CREBBP: variants seen among roughly 807,000 people sequenced by gnomAD.
The protein encoded by CREBBP is CREB-binding protein.
A neutral mutation model predicts 265.0 loss-of-function variants in CREBBP; 19 were observed. That is an observed-to-expected ratio of 0.07 (90% CI 0.05 to 0.11). The LOEUF (loss-of-function observed/expected upper bound fraction) is 0.11, where lower values mean the gene tolerates loss of function less well. Among genes scored for constraint, CREBBP ranks in the 10% least tolerant of loss-of-function variants. CREBBP has a pLI of 1.00. For missense variants in CREBBP, 2,525 were observed against 3,219.0 expected (o/e 0.78, Z 5.22); for synonymous variants, 1,457 against 1,223.7 (o/e 1.19, Z -3.98).
intron 1 of CREBBP, among the ~76,000 whole-genome samples, chr16:3,868,587 C>T (rs2141574650): frequency 6.6e-6 from 1 of 152,274 alleles, no homozygotes; most frequent in South Asian, 2.1e-4. Flanking sequence ...ACATTCAAGG[C>T]CCTTGGTGAT....
intron 2 of CREBBP, among the ~76,000 whole-genome samples, chr16:3,819,434 A>G (rs1055999912): frequency 1.3e-5 from 2 of 152,240 alleles, no homozygotes; most frequent in Non-Finnish European, 2.9e-5. Flanking sequence ...CAATCATTCT[A>G]CACTACATAT....
chr16:3,837,352 A>G (rs2054473959), intron 2 of CREBBP, among the ~76,000 whole-genome samples: 1 of 152,174 alleles, frequency 6.6e-6, no homozygotes. Flanking sequence ...GCGGTGGCTC[A>G]CACCTGTAAT....
intron 2 of CREBBP, among the ~76,000 whole-genome samples, chr16:3,824,306 C>T (rs957645570): frequency 2.0e-5 from 3 of 152,250 alleles, no homozygotes. Context: ...GGAAAAACAC[C>T]TCTGGGATGG....
chr16:3,778,228 A>C (rs750714464), intron 9 of CREBBP, 46 bp from the exon 10 acceptor site: 1 of 1,464,260 alleles, frequency 6.8e-7, no homozygotes, highest in Admixed American at 1.7e-5. Context: ...AACTGTAAAA[A>C]GCAACTGAAT....
At chr16:3,778,950 T>C (rs2053209648) in intron 8 of CREBBP, 133 bp from the exon 9 acceptor site, 2 of 693,164 alleles carry the variant, frequency 2.9e-6, no homozygotes, top group South Asian at 1.4e-5. Context: ...GAGAATCACC[T>C]GAGGTCAGCA....
intron 24 of CREBBP, among the ~76,000 whole-genome samples, chr16:3,740,063 C>A (rs1191069256): frequency 1.3e-5 from 2 of 152,174 alleles, no homozygotes; most frequent in African/African-American, 4.8e-5. Context: ...AACCTCTATG[C>A]GTTTTTTCTT....
Position 3,729,074 on chromosome 16 carries a change from C to T in CREBBP, c.5973G>A (p.Pro1991=), listed in dbSNP as rs539366777. Residue 1991 remains proline (P), a synonymous_variant, in exon 31 of 31, where the codon CCG becomes CCA. Transcript: ENST00000262367. ...MPPGRTGMGT[P]GSQMAPVSLN... is the part of the protein sequence containing the mutation. ...GGCTCACGGGGGCCATCTGGCTCCC[C>T]GGGGTCCCCATGCCCGTGCGTCCTG... The T allele has an allele frequency of 7.1e-5, 112 of 1,584,144 alleles. No homozygotes were observed. The highest frequency in any genetic ancestry group is 1.7e-4 in the Middle Eastern group (1 of 6,028).
At chr16:3,873,321 T>G (rs927965607) in intron 1 of CREBBP, among the ~76,000 whole-genome samples, 4 of 152,246 alleles carry the variant, frequency 2.6e-5, no homozygotes, top group African/African-American at 9.6e-5. Context: ...TAAGCTTTCA[T>G]GGCCATCACG....
At chr16:3,840,122 G>A (rs551809864) in intron 2 of CREBBP, among the ~76,000 whole-genome samples, 9 of 152,244 alleles carry the variant, frequency 5.9e-5, no homozygotes, top group African/African-American at 2.2e-4. Context: ...TTTTTGTTGT[G>A]ATCTTTTAAG....
intron 2 of CREBBP, among the ~76,000 whole-genome samples, chr16:3,839,211 G>C (rs181612107): frequency 5.3e-5 from 8 of 152,302 alleles, no homozygotes; most frequent in African/African-American, 1.9e-4. Context: ...TGTGAACTGA[G>C]TCAGCTTATT....
chr16:3,756,244 C>T (rs1175609541), intron 19 of CREBBP, among the ~76,000 whole-genome samples: 1 of 152,206 alleles, frequency 6.6e-6, no homozygotes, highest in African/African-American at 2.4e-5. Context: ...TCTATCTTGG[C>T]CACAGAGAAT....
rs748195458 is a variant in CREBBP at position 3,773,808 on chromosome 16, G to A, written c.2406C>T (p.Ser802=). 1.9e-6 allele frequency: 3 copies of A among 1,613,340 alleles called. No individual in the cohort carries two copies. The highest frequency in any genetic ancestry group is 2.2e-5 in the South Asian group (2 of 91,034). ...QFLPQNQFPS[S]SGAMSVGMGQ... Reference sequence around the variant, plus strand: ...CCATGCCCACACTCATCGCCCCGCTGGATGACGGGAACTGGTTCTGTGGCA... The same window carrying A: ...CCATGCCCACACTCATCGCCCCGCTAGATGACGGGAACTGGTTCTGTGGCA... The change falls in exon 13 of 31, where the codon TCC becomes TCT. Residue 802 remains serine (S), a synonymous_variant. Transcript: ENST00000262367.
intron 16 of CREBBP, among the ~76,000 whole-genome samples, chr16:3,765,159 G>C (rs556564523): frequency 1.8e-4 from 28 of 152,302 alleles, no homozygotes; most frequent in African/African-American, 6.5e-4. Context: ...ATTTTGTTTA[G>C]TAGAGACGGG....
intron 5 of CREBBP, among the ~76,000 whole-genome samples, chr16:3,783,546 T>G (rs1013553490): frequency 1.3e-5 from 2 of 152,264 alleles, no homozygotes; most frequent in African/African-American, 2.4e-5. Context: ...CAGAGCACCA[T>G]GCTGAGCTCT....
intron 2 of CREBBP, among the ~76,000 whole-genome samples, chr16:3,816,614 G>C (rs150328284): frequency 7.9e-5 from 12 of 152,280 alleles, no homozygotes; most frequent in African/African-American, 2.6e-4. Flanking sequence ...ACAAAGAGGA[G>C]GGAAAAGGCA....
At chr16:3,738,324 A>AG in intron 26 of CREBBP, among the ~76,000 whole-genome samples, 1 of 152,018 alleles carries the variant, frequency 6.6e-6, no homozygotes, top group Non-Finnish European at 1.5e-5. Flanking sequence ...TAAAAAAAAA[A>AG]AAAAAGGGAA....
intron 28 of CREBBP, among the ~76,000 whole-genome samples, 181 bp downstream of exon 28, chr16:3,735,853 CAG>C (rs1257635197): frequency 2.0e-5 from 3 of 152,206 alleles, no homozygotes; most frequent in Non-Finnish European, 4.4e-5. Context: ...ATCCACTGTG[CAG>C]AGAGTGCAGA....
At chr16:3,804,786 A>C (rs1338089380) in intron 3 of CREBBP, among the ~76,000 whole-genome samples, 1 of 152,230 alleles carries the variant, frequency 6.6e-6, no homozygotes, top group Non-Finnish European at 1.5e-5. Context: ...AAACAAAAAA[A>C]ACCTTCTGGC....
At chr16:3,761,546 T>C (rs892462960) in intron 16 of CREBBP, 1 of 518,620 alleles carries the variant, frequency 1.9e-6, no homozygotes, top group African/African-American at 1.9e-5. Context: ...TCAGGGCTCA[T>C]TTCCATCAAA....
Sources: allele counts gnomAD v4.1 joint callset (sites outside exome capture counted in the v4.1 genomes callset), GRCh38; gene constraint gnomAD v4.1.1; transcripts MANE v1.5; gene names NCBI Gene and HGNC (gene_info 2026-07-23, HGNC 2026-07-21).